The following SLC25A12 variants were observed in gnomAD, a reference collection of about 807,000 sequenced individuals.
The protein encoded by SLC25A12 is electrogenic aspartate/glutamate antiporter SLC25A12, mitochondrial.
Under a neutral mutation model 83.3 loss-of-function variants are expected in SLC25A12, and 32 were observed. That is an observed-to-expected ratio of 0.38 (90% CI 0.29 to 0.52). The LOEUF is 0.52. Ranked by LOEUF, SLC25A12 falls within the 20% of genes least tolerant of loss-of-function variation. The probability of loss-of-function intolerance (pLI) is 0.84; values close to 1 mark genes in which losing one functional copy is unlikely to be tolerated. For synonymous variants in SLC25A12, 267 were observed against 291.1 expected (o/e 0.92, Z 0.84); for missense variants, 611 against 835.6 (o/e 0.73, Z 3.31).
At chr2:171,887,890 GT>G (rs1299531402) in intron 2 of SLC25A12, among the ~76,000 whole-genome samples, 3 of 152,100 alleles carry the variant, frequency 2.0e-5, no homozygotes, top group Non-Finnish European at 4.4e-5. Flanking sequence ...TGTTGTTGAT[GT>G]TTTTTAACTA....
chr2:171,831,741 AT>A (rs1357750751), intron 8 of SLC25A12, among the ~76,000 whole-genome samples: 9 of 152,150 alleles, frequency 5.9e-5, no homozygotes, highest in Non-Finnish European at 1.3e-4. Context: ...GCTACTAAAA[AT>A]ACAAAAATTA....
intron 2 of SLC25A12, among the ~76,000 whole-genome samples, chr2:171,889,689 ACT>A (rs1287842547): frequency 1.4e-5 from 2 of 139,750 alleles, no homozygotes; most frequent in Admixed American, 7.0e-5. Flanking sequence ...ACTTCTTAAC[ACT>A]CTGCCATTAT....
chr2:171,858,241 A>G (rs1685084630), intron 3 of SLC25A12, among the ~76,000 whole-genome samples: 1 of 152,154 alleles, frequency 6.6e-6, no homozygotes, highest in African/African-American at 2.4e-5. Flanking sequence ...TGATTGTCCA[A>G]TGTTAATTAC....
At chr2:171,793,868 A>C (rs528223348) in intron 13 of SLC25A12, 101 bp from the exon 14 acceptor site, 2 of 1,397,184 alleles carry the variant, frequency 1.4e-6, no homozygotes, top group South Asian at 1.2e-5. Context: ...TGCTATCTTG[A>C]AAAGAAGGAG....
intron 2 of SLC25A12, among the ~76,000 whole-genome samples, chr2:171,876,086 A>C (rs1685564580): frequency 6.6e-6 from 1 of 152,200 alleles, no homozygotes; most frequent in Admixed American, 6.5e-5. Flanking sequence ...CGGCTAACAA[A>C]GAAAACAAAT....
At chr2:171,874,327 G>A (rs1219541189) in intron 2 of SLC25A12, among the ~76,000 whole-genome samples, 2 of 152,216 alleles carry the variant, frequency 1.3e-5, no homozygotes, top group Non-Finnish European at 2.9e-5. Flanking sequence ...GGGAGGCAGA[G>A]GTTGCAGTGA....
intron 13 of SLC25A12, among the ~76,000 whole-genome samples, chr2:171,801,003 T>C: frequency 6.6e-6 from 1 of 152,222 alleles, no homozygotes; most frequent in Non-Finnish European, 1.5e-5. Flanking sequence ...ATGTTCATTA[T>C]CTTAGGTGGT....
At chr2:171,894,056 A>C in intron 1 of SLC25A12, 147 bp downstream of exon 1, 1 of 1,126,254 alleles carries the variant, frequency 8.9e-7, no homozygotes, top group Non-Finnish European at 1.3e-6. Flanking sequence ...CAAGCCCCGC[A>C]CAGCTCTCCC....
At chr2:171,843,009 C>A (rs1192021967) in intron 5 of SLC25A12, among the ~76,000 whole-genome samples, 4 of 151,968 alleles carry the variant, frequency 2.6e-5, no homozygotes, top group African/African-American at 7.2e-5. Context: ...TTAGTGGAGA[C>A]AAGGTTTCGC....
At chr2:171,837,371 C>T in intron 5 of SLC25A12, 104 bp from the exon 6 acceptor site, 1 of 1,220,724 alleles carries the variant, frequency 8.2e-7, no homozygotes. Context: ...CATGTACTTA[C>T]TACAAAACAA....
chr2:171,809,943 A>G (rs1683915923), intron 12 of SLC25A12, among the ~76,000 whole-genome samples: 1 of 152,124 alleles, frequency 6.6e-6, no homozygotes, highest in Admixed American at 6.6e-5. Flanking sequence ...ATAGCTCACT[A>G]CAGCCTCAAA....
At chr2:171,863,283 T>C (rs1573991764) in intron 3 of SLC25A12, among the ~76,000 whole-genome samples, 1 of 152,162 alleles carries the variant, frequency 6.6e-6, no homozygotes, top group African/African-American at 2.4e-5. Flanking sequence ...CCCAGCTCTT[T>C]GGGAGACCGA....
intron 5 of SLC25A12, among the ~76,000 whole-genome samples, chr2:171,839,571 C>T (rs574886604): frequency 5.9e-5 from 9 of 152,066 alleles, no homozygotes; most frequent in Non-Finnish European, 8.8e-5. Context: ...TTAACTCCAC[C>T]GTCTTCCAAA....
intron 11 of SLC25A12, among the ~76,000 whole-genome samples, chr2:171,812,333 C>T (rs970948): frequency 0.79 from 119,539 of 152,010 alleles, 48,131 homozygotes; most frequent in East Asian, 0.91. Context: ...GCATAAAGCT[C>T]TGTTCGGGCC....
At chr2:171,884,237 C>A (rs535940785) in intron 2 of SLC25A12, among the ~76,000 whole-genome samples, 20 of 150,296 alleles carry the variant, frequency 1.3e-4, no homozygotes, top group African/African-American at 4.2e-4. Context: ...GTCGCCCAGG[C>A]TGGAGTGCAA....
chr2:171,862,748 C>T (rs529634406), intron 3 of SLC25A12, among the ~76,000 whole-genome samples: 1 of 152,272 alleles, frequency 6.6e-6, no homozygotes, highest in East Asian at 1.9e-4. Flanking sequence ...TTTCACATAA[C>T]ATATCTATAG....
intron 3 of SLC25A12, among the ~76,000 whole-genome samples, chr2:171,867,931 G>C (rs1051408680): frequency 6.6e-6 from 1 of 151,804 alleles, no homozygotes; most frequent in African/African-American, 2.4e-5. Flanking sequence ...TGCAAGCTCT[G>C]CCTCCTGGGT....
intron 3 of SLC25A12, among the ~76,000 whole-genome samples, chr2:171,867,417 G>T (rs1214096810): frequency 6.6e-6 from 1 of 152,180 alleles, no homozygotes; most frequent in Non-Finnish European, 1.5e-5. Context: ...GATCACTCGC[G>T]GTTAGGAGCT....
At chr2:171,803,244 C>T (rs1683748928) in intron 13 of SLC25A12, among the ~76,000 whole-genome samples, 2 of 151,614 alleles carry the variant, frequency 1.3e-5, no homozygotes, top group South Asian at 4.2e-4. Context: ...TTTCTATATA[C>T]CAGAAAAAAA....
Sources: allele counts gnomAD v4.1 joint callset (sites outside exome capture counted in the v4.1 genomes callset), GRCh38; gene constraint gnomAD v4.1.1; transcripts MANE v1.5; gene names NCBI Gene and HGNC (gene_info 2026-07-23, HGNC 2026-07-21).